PTPRN2: variants seen among roughly 807,000 people sequenced by gnomAD.
PTPRN2 encodes the protein receptor-type tyrosine-protein phosphatase N2.
In PTPRN2, 74 loss-of-function variants were observed where a neutral mutation model predicts 118.8. That is an observed-to-expected ratio of 0.62 (90% confidence interval 0.52 to 0.76). PTPRN2 has a LOEUF of 0.76. Among genes scored for constraint, PTPRN2 ranks in the 30% least tolerant of loss-of-function variants. The pLI is 0.00. For synonymous variants in PTPRN2, 641 were observed against 608.0 expected (o/e 1.05, Z -0.80); for missense variants, 1,481 against 1,394.4 (o/e 1.06, Z -0.99).
At chr7:158,468,502 G>A (rs1819546585) in intron 2 of PTPRN2, among the ~76,000 whole-genome samples, 2 of 151,958 alleles carry the variant, frequency 1.3e-5, no homozygotes, top group Non-Finnish European at 2.9e-5. Context: ...GCCCTCAGCT[G>A]ACATTCTGAT....
At position 157,987,547 on chromosome 7, in the gene PTPRN2, T is replaced by G. The variant is rs1803899430; in HGVS notation, c.1724-88810A>C. On this transcript the variant is annotated intron_variant, in intron 11 of 22. Coordinates refer to ENST00000389418, the MANE Select transcript of PTPRN2 (RefSeq NM_002847.5). The surrounding 1 kb of genome is among the most constrained non-coding windows in gnomAD (Gnocchi z 4.3). ...CTTCCCAGGGGCAGAGCAGACCCGG[T>G]GGACAGCAGGAGCTGCCTGGTCCCA... 6.6e-6 allele frequency among the ~76,000 whole-genome samples: 1 copy of G among 152,144 alleles called. No individual in the cohort carries two copies.
chr7:157,643,902 C>T (rs540349555), intron 14 of PTPRN2, among the ~76,000 whole-genome samples: 3 of 152,350 alleles, frequency 2.0e-5, no homozygotes, highest in East Asian at 1.9e-4. Flanking sequence ...GCCCAGACAC[C>T]GGCCAGCCTC....
At chr7:158,448,688 G>A (rs758638979) in intron 2 of PTPRN2, among the ~76,000 whole-genome samples, 6 of 152,200 alleles carry the variant, frequency 3.9e-5, no homozygotes, top group Non-Finnish European at 7.3e-5. Context: ...AGTGTTCCCC[G>A]GGGCTCCCAG....
chr7:157,773,102 G>T (rs992012363), intron 12 of PTPRN2, among the ~76,000 whole-genome samples: 1 of 152,182 alleles, frequency 6.6e-6, no homozygotes, highest in Non-Finnish European at 1.5e-5. Flanking sequence ...TCAGTGCTGG[G>T]ACCATCAAGA....
At chr7:158,045,660 A>C (rs1024665920) in intron 11 of PTPRN2, among the ~76,000 whole-genome samples, 1 of 152,268 alleles carries the variant, frequency 6.6e-6, no homozygotes, top group African/African-American at 2.4e-5. Flanking sequence ...GCTTGCCAAT[A>C]GTTGGCTAGC....
chr7:158,491,742 G>A (rs902568878), intron 1 of PTPRN2, among the ~76,000 whole-genome samples: 15 of 151,990 alleles, frequency 9.9e-5, no homozygotes, highest in Admixed American at 3.3e-4. Flanking sequence ...CACCTGCCTC[G>A]GCCTCCCAAA....
chr7:157,927,531 C>G (rs112495553), intron 11 of PTPRN2, among the ~76,000 whole-genome samples: 1,527 of 61,238 alleles, frequency 0.025, 138 homozygotes, highest in Middle Eastern at 0.043. Context: ...ACCCGTCTGA[C>G]AGCAGAGGCC....
At chr7:158,306,110 A>G (rs551365554) in intron 3 of PTPRN2, among the ~76,000 whole-genome samples, 14 of 152,250 alleles carry the variant, frequency 9.2e-5, no homozygotes, top group Non-Finnish European at 1.6e-4. Context: ...ACATATGTGA[A>G]AAGTCTTTCC....
chr7:157,810,639 G>GACGGGA (rs1344392645), intron 12 of PTPRN2, among the ~76,000 whole-genome samples: 2 of 133,430 alleles, frequency 1.5e-5, no homozygotes, highest in South Asian at 5.1e-4. Flanking sequence ...TGGGGACGGG[G>GACGGGA]ACGGGAACGG....
chr7:157,873,961 CTAGG>C (rs1175347000), intron 12 of PTPRN2, among the ~76,000 whole-genome samples: 2 of 152,180 alleles, frequency 1.3e-5, no homozygotes, highest in African/African-American at 4.8e-5. Context: ...TTTGACGGCT[CTAGG>C]TCTGCCACAA....
In PTPRN2 at chr7:158,526,251, G is replaced by A. The variant is rs1448614693; in HGVS notation, c.113-36466C>T. Reference sequence around the variant, plus strand: ...TGGCGAAGGGGTCACCCCTCGTGCAGGCTCAGGCCCTCCCTGCCCACCTGT... The same window carrying A: ...TGGCGAAGGGGTCACCCCTCGTGCAAGCTCAGGCCCTCCCTGCCCACCTGT... On this transcript the variant is annotated intron_variant, in intron 1 of 22. Transcript: ENST00000389418. The surrounding 1 kb of genome is among the most constrained non-coding windows in gnomAD (Gnocchi z 5.2). Among the ~76,000 whole-genome samples the A allele has an allele frequency of 6.6e-6, 1 of 152,216 alleles. No individual in the cohort carries two copies. Among genetic ancestry groups the A allele is most frequent in the Non-Finnish European group, 1.5e-5 (1 of 68,038 alleles).
At chr7:157,549,966 C>G (rs960275931) in intron 21 of PTPRN2, among the ~76,000 whole-genome samples, 1 of 152,182 alleles carries the variant, frequency 6.6e-6, no homozygotes, top group Admixed American at 6.5e-5. Flanking sequence ...AATAGAGACG[C>G]GGCCAATGGC....
intron 2 of PTPRN2, among the ~76,000 whole-genome samples, chr7:158,429,938 C>T (rs920616080): frequency 1.3e-5 from 2 of 152,146 alleles, no homozygotes; most frequent in African/African-American, 2.4e-5. Context: ...GATGGAGTCT[C>T]GCTCTGTCGT....
rs1322806378 is a variant in PTPRN2, at chr7:157,676,066, A to G, written c.2001+6659T>C. Among the ~76,000 whole-genome samples the G allele has an allele frequency of 3.3e-5, 5 of 152,056 alleles. No individual in the cohort carries two copies. The highest frequency in any genetic ancestry group is 1.2e-4 in the African/African-American group (5 of 41,400). On this transcript the variant is annotated intron_variant, in intron 13 of 22. Transcript: ENST00000389418. This position sits in a 1 kb window ranked among gnomAD's most constrained non-coding sequence, Gnocchi z 5.6. The stretch of plus-strand genomic sequence containing the variant: ...CATGGACCGTCCCTTGGAGCGCCAC[A>G]GACTGCAGGGTTTGTCCTTGTCACG...
At chr7:158,560,941 G>T (rs1827342343) in intron 1 of PTPRN2, among the ~76,000 whole-genome samples, 1 of 152,214 alleles carries the variant, frequency 6.6e-6, no homozygotes, top group Admixed American at 6.5e-5. Flanking sequence ...GTGTGACTGG[G>T]CATCGGTTGA....
At chr7:158,332,355 C>A (rs112118845) in intron 2 of PTPRN2, among the ~76,000 whole-genome samples, 2 of 150,408 alleles carry the variant, frequency 1.3e-5, no homozygotes, top group African/African-American at 2.5e-5. Flanking sequence ...ACACTCACAC[C>A]CACACTCTCA....
intron 1 of PTPRN2, among the ~76,000 whole-genome samples, chr7:158,567,454 T>C (rs1440004583): frequency 6.6e-6 from 1 of 152,220 alleles, no homozygotes; most frequent in Non-Finnish European, 1.5e-5. Flanking sequence ...GGCTTTTCAT[T>C]ACAGTGATGT....
chr7:157,767,924 T>C (rs944470837), intron 12 of PTPRN2, among the ~76,000 whole-genome samples: 61 of 152,316 alleles, frequency 4.0e-4, no homozygotes, highest in African/African-American at 1.4e-3. Context: ...GAAAGCCCGC[T>C]TGAGGGACAT....
At position 158,407,134 on chromosome 7, in the gene PTPRN2, C is replaced by CCGCG. The variant is rs1813524036; in HGVS notation, c.163+82600_163+82601insCGCG. 2.1e-5 allele frequency among the ~76,000 whole-genome samples: 3 copies of CCGCG among 144,610 alleles called. 1 individual carries two copies. In the Admixed American group the frequency reaches 2.1e-4, roughly 10 times the overall value. 94.9% of individuals were successfully genotyped at this position (144,610 alleles called of 152,430 possible). On this transcript the variant is annotated intron_variant, in intron 2 of 22. Coordinates refer to ENST00000389418, the MANE Select transcript of PTPRN2 (RefSeq NM_002847.5). ...GGTCCTGCGTCCTGGGTCCTGGGTC[C>CCGCG]TGCGTCCTGCGTCCTGGGTCCTGGG...
Sources: allele counts gnomAD v4.1 joint callset (sites outside exome capture counted in the v4.1 genomes callset), GRCh38; gene constraint gnomAD v4.1.1; non-coding constraint Gnocchi (gnomAD v3.1); transcripts MANE v1.5; gene names NCBI Gene and HGNC (gene_info 2026-07-23, HGNC 2026-07-21).